Variants in TM9SF4 observed in about 807,000 individuals in gnomAD.
TM9SF4 encodes the protein dinucleotide oxidase disulfide thiol exchanger 3 superfamily member 4.
In TM9SF4, 26 loss-of-function variants were observed where a neutral mutation model predicts 90.4. The ratio of observed to expected loss-of-function variants is 0.29; its 90% CI spans 0.21 to 0.40. The LOEUF (loss-of-function observed/expected upper bound fraction) is 0.40, where lower values mean the gene tolerates loss of function less well. Among genes scored for constraint, TM9SF4 ranks in the 10% least tolerant of loss-of-function variants. TM9SF4 has a pLI of 1.00. For missense variants in TM9SF4, 549 were observed against 834.8 expected (o/e 0.66, Z 4.22); for synonymous variants, 293 against 315.4 (o/e 0.93, Z 0.75).
At chr20:32,109,926 G>C in intron 1 of TM9SF4, 171 bp downstream of exon 1, 3 of 1,444,254 alleles carry the variant, frequency 2.1e-6, no homozygotes, top group East Asian at 5.0e-5. Context: ...CCCTGGCCCT[G>C]CCCCTGCACT....
intron 4 of TM9SF4, 41 bp from the exon 5 acceptor site, chr20:32,141,725 G>C: frequency 1.2e-6 from 2 of 1,613,310 alleles, no homozygotes; most frequent in Non-Finnish European, 1.7e-6. Context: ...ACTGACGGGA[G>C]AGGCGGTCGA....
chr20:32,152,611 C>A (rs1397520298), intron 12 of TM9SF4, among the ~76,000 whole-genome samples: 1 of 152,176 alleles, frequency 6.6e-6, no homozygotes, highest in African/African-American at 2.4e-5. Context: ...TGACCCTTCC[C>A]TGGTGCCTTT....
chr20:32,145,196 C>T lies in TM9SF4; in HGVS notation c.758C>T (p.Ser253Phe). The T allele has an allele frequency of 6.2e-7, 1 of 1,614,158 alleles. No homozygotes were observed. Among genetic ancestry groups the T allele is most frequent in the South Asian group, 1.1e-5 (1 of 91,078 alleles). ...TKENQLYFTY[S>F]VHWEESDIKW... ...GAGAATCAGCTGTACTTCACCTACT[C>T]TGTCCACTGGGAGGTGAGAAGGGGC... is the stretch of plus-strand genomic sequence containing the variant. Residue 253 changes from serine to phenylalanine, a missense_variant, in exon 7 of 18, where the codon TCT becomes TTT. Physicochemically the swap from Ser to Phe is radical, Grantham distance 155. This residue lies in a region of TM9SF4 where 495 missense variants were observed against 711.7 expected (regional missense o/e 0.70). Coordinates refer to ENST00000398022, the MANE Select transcript of TM9SF4 (RefSeq NM_014742.4).
chr20:32,109,860 C>G, intron 1 of TM9SF4, 105 bp downstream of exon 1: 3 of 1,541,184 alleles, frequency 1.9e-6, no homozygotes, highest in Non-Finnish European at 2.6e-6. Flanking sequence ...TCCGGGACCC[C>G]TGACTCAGGC....
intron 15 of TM9SF4, 118 bp downstream of exon 15, chr20:32,158,632 G>T (rs1362545963): frequency 1.0e-6 from 1 of 994,154 alleles, no homozygotes; most frequent in Non-Finnish European, 1.5e-6. Context: ...TCACCTCTCG[G>T]AGCCCCATTC....
At chr20:32,114,842 C>A (rs1259826636) in intron 1 of TM9SF4, among the ~76,000 whole-genome samples, 2 of 152,202 alleles carry the variant, frequency 1.3e-5, no homozygotes, top group Non-Finnish European at 2.9e-5. Flanking sequence ...AGCGCTGCCA[C>A]TGATGCATTG....
intron 13 of TM9SF4, among the ~76,000 whole-genome samples, chr20:32,157,008 C>T (rs1253101339): frequency 7.6e-6 from 1 of 132,444 alleles, no homozygotes; most frequent in African/African-American, 3.0e-5. Context: ...AGTGGAGTGG[C>T]AAGGTCTCAG....
chr20:32,146,675 A>G (rs1387204412), intron 8 of TM9SF4, 110 bp from the exon 9 acceptor site: 1 of 1,042,976 alleles, frequency 9.6e-7, no homozygotes, highest in Non-Finnish European at 1.4e-6. Context: ...TAATGGAGCA[A>G]GCCGTGCATG....
At chr20:32,143,795 G>A (rs1204978524) in intron 6 of TM9SF4, among the ~76,000 whole-genome samples, 1 of 151,660 alleles carries the variant, frequency 6.6e-6, no homozygotes, top group Non-Finnish European at 1.5e-5. Flanking sequence ...CCCAAACATA[G>A]ATCCTGCCCT....
intron 1 of TM9SF4, among the ~76,000 whole-genome samples, chr20:32,121,071 A>G (rs1051034926): frequency 3.1e-4 from 47 of 152,256 alleles, no homozygotes; most frequent in African/African-American, 1.1e-3. Context: ...CACACAGGAT[A>G]GTTGTCCGTA....
At chr20:32,120,401 T>TG (rs1216626215) in intron 1 of TM9SF4, among the ~76,000 whole-genome samples, 5 of 151,208 alleles carry the variant, frequency 3.3e-5, no homozygotes, top group Non-Finnish European at 5.9e-5. Flanking sequence ...GTGCGTTTTT[T>TG]TTTTTTTTTT....
chr20:32,155,023 C>T (rs1175201597), intron 12 of TM9SF4, 80 bp from the exon 13 acceptor site: 2 of 1,018,330 alleles, frequency 2.0e-6, no homozygotes, highest in East Asian at 2.4e-5. Flanking sequence ...GGCTTAAGAG[C>T]TTCTGGTCTG....
intron 10 of TM9SF4, 144 bp from the exon 11 acceptor site, chr20:32,150,478 G>C: frequency 1.1e-6 from 1 of 890,296 alleles, no homozygotes; most frequent in Non-Finnish European, 1.8e-6. Flanking sequence ...ATGCTGTTGA[G>C]AAGACAAGGG....
chr20:32,161,665 C>T (rs2047021224), intron 17 of TM9SF4, among the ~76,000 whole-genome samples: 1 of 152,146 alleles, frequency 6.6e-6, no homozygotes, highest in African/African-American at 2.4e-5. Flanking sequence ...ATGTCACCTG[C>T]AGTGCTCTTC....
intron 3 of TM9SF4, among the ~76,000 whole-genome samples, chr20:32,137,791 G>T (rs2046615484): frequency 6.6e-6 from 1 of 152,148 alleles, no homozygotes; most frequent in South Asian, 2.1e-4. Flanking sequence ...AAGCATTCCT[G>T]TGCCTTAACT....
intron 16 of TM9SF4, among the ~76,000 whole-genome samples, chr20:32,160,316 C>T (rs1215285007): frequency 6.6e-6 from 1 of 152,198 alleles, no homozygotes; most frequent in African/African-American, 2.4e-5. Flanking sequence ...TACCTTCCAG[C>T]TTAGTTGTGT....
At chr20:32,158,778 C>T (rs2046969797) in intron 15 of TM9SF4, among the ~76,000 whole-genome samples, 1 of 151,982 alleles carries the variant, frequency 6.6e-6, no homozygotes, top group Non-Finnish European at 1.5e-5. Context: ...GTCAGGAGTT[C>T]GAGACCAGCC....
rs1335731649 is a variant in TM9SF4, at chr20:32,109,759, A to C, written c.15+4A>C. 3 of 1,551,484 alleles carry C rather than the reference A, an allele frequency of 1.9e-6. No individual in the cohort carries two copies. The highest frequency in any genetic ancestry group is 1.7e-6 in the Non-Finnish European group (2 of 1,146,980). ...ATCCAAGATGGCGACGGCGATGGTG[A>C]GTGAAGGAGACTCCGGGAGCGGGAG... On this transcript the variant is annotated splice_donor_region_variant and intron_variant, in intron 1 of 17. Coordinates refer to ENST00000398022, the MANE Select transcript of TM9SF4 (RefSeq NM_014742.4).
At chr20:32,136,682 A>G (rs1222533231) in intron 3 of TM9SF4, among the ~76,000 whole-genome samples, 1 of 152,218 alleles carries the variant, frequency 6.6e-6, no homozygotes, top group Admixed American at 6.5e-5. Context: ...TGACACAAGT[A>G]TTCCATAACT....
Sources: allele counts gnomAD v4.1 joint callset (sites outside exome capture counted in the v4.1 genomes callset), GRCh38; gene constraint gnomAD v4.1.1; regional missense constraint gnomAD v4.1.1; transcripts MANE v1.5; gene names NCBI Gene and HGNC (gene_info 2026-07-23, HGNC 2026-07-21).